The following SNX30 variants were observed in gnomAD, a reference collection of about 807,000 sequenced individuals.
SNX30 encodes sorting nexin family member 30.
A neutral mutation model predicts 46.4 loss-of-function variants in SNX30; 24 were observed. That is an observed-to-expected ratio of 0.52 (90% CI 0.37 to 0.73). The LOEUF is 0.73. Among genes scored for constraint, SNX30 ranks in the 30% least tolerant of loss-of-function variants. The probability of loss-of-function intolerance (pLI) is 0.00; values close to 1 mark genes in which losing one functional copy is unlikely to be tolerated. For synonymous variants in SNX30, 189 were observed against 211.5 expected, an observed-to-expected ratio of 0.89 and a Z score of 0.92; for missense variants, 533 against 555.7, an observed-to-expected ratio of 0.96 and a Z score of 0.41.
At chr9:112,878,193 AT>A (rs2131532849), downstream of SNX30, 1 of 152,390 alleles carries the variant, frequency 6.6e-6, no homozygotes, top group Non-Finnish European at 1.5e-5. Flanking sequence ...TCCAACAGCT[AT>A]CCCCATTTAC....
intron 5 of SNX30, chr9:112,880,567 C>A (rs984867913): frequency 3.9e-5 from 6 of 153,698 alleles, no homozygotes; most frequent in South Asian, 4.1e-4. Context: ...CATCCAGACC[C>A]CTTGGAAGCC....
chr9:112,817,652 GC>G, intron 2 of SNX30, 52 bp from the exon 3 acceptor site: 1 of 1,081,938 alleles, frequency 9.2e-7, no homozygotes, highest in South Asian at 1.3e-5. Flanking sequence ...CTTCCCTTCA[GC>G]CAAGATATGC....
At chr9:112,774,811 C>CTA (rs368881211) in intron 1 of SNX30, among the ~76,000 whole-genome samples, 7 of 142,344 alleles carry the variant, frequency 4.9e-5, no homozygotes, top group African/African-American at 1.0e-4. Context: ...TTACTCAGTT[C>CTA]TATATATATA....
chr9:112,874,759 GA>G lies in SNX30; in HGVS notation c.*5921del, dbSNP rs1234031445. On this transcript the variant is annotated 3_prime_UTR_variant, in exon 9 of 9. Transcript: ENST00000374232. Reference sequence around the variant, plus strand: ...TATGGAAACCAGAGATTGTAAAATGGAAAAAGAATCGTTTTTTTGTTGACTT... The same window carrying G: ...TATGGAAACCAGAGATTGTAAAATGGAAAAGAATCGTTTTTTTGTTGACTT... 2.0e-4 allele frequency: 15 copies of G among 75,950 alleles called. No individual in the cohort carries two copies. The East Asian group carries it at 4.7e-3, about 24-fold the overall frequency. The allele number at this position is 75,950 out of a possible 1,614,324, so 4.7% of individuals were successfully genotyped here.
At chr9:112,817,552 C>T (rs1399390954) in intron 2 of SNX30, among the ~76,000 whole-genome samples, 153 bp from the exon 3 acceptor site, 1 of 151,624 alleles carries the variant, frequency 6.6e-6, no homozygotes, top group East Asian at 1.9e-4. Context: ...CTGGTCTATT[C>T]TGTGTTGGTA....
In SNX30 at chr9:112,751,175, G is replaced by A; in HGVS notation, c.156+18G>A. The A allele has an allele frequency of 2.0e-6, 3 of 1,481,230 alleles. No individual in the cohort carries two copies. Among genetic ancestry groups the A allele is most frequent in the South Asian group, 1.3e-5 (1 of 76,448 alleles). The allele number at this position is 1,481,230 out of a possible 1,614,324, so 91.8% of individuals were successfully genotyped here. A position where few individuals can be genotyped will look rare whatever the true frequency, so the allele number is the denominator to read the frequency against. ...GTGACAAGGTGGGGCGCCTGGGGCCGGGGAGTGGGAGGCTTATTTCGCTCC... is the reference window on the plus strand; with the variant it reads ...GTGACAAGGTGGGGCGCCTGGGGCCAGGGAGTGGGAGGCTTATTTCGCTCC... On this transcript the variant is annotated intron_variant, in intron 1 of 8. Transcript: ENST00000374232.
Position 112,836,328 on chromosome 9 carries a change from A to G in SNX30, c.733A>G (p.Ile245Val), listed in dbSNP as rs1319617291. 8 of 1,613,426 alleles carry G rather than the reference A, an allele frequency of 5.0e-6. No homozygotes were observed. Among genetic ancestry groups the G allele is most frequent in the East Asian group, 2.2e-5 (1 of 44,862 alleles). ...LRTRPLEFAA[I>V]GDYLDTFALK... ...GACTCGGCCGCTTGAGTTTGCTGCCATAGGTGACTACTTAGATACATTTGC... is the reference window on the plus strand; with the variant it reads ...GACTCGGCCGCTTGAGTTTGCTGCCGTAGGTGACTACTTAGATACATTTGC... The change falls in exon 5 of 9, where the codon ATA becomes GTA. Residue 245 changes from isoleucine to valine, a missense_variant. Around this residue, in one of 3 missense-constraint regions of SNX30, gnomAD observed 261 missense variants for 270.9 expected, o/e 0.96. Transcript: ENST00000374232.
intron 1 of SNX30, among the ~76,000 whole-genome samples, chr9:112,770,429 C>A (rs557815953): frequency 2.6e-5 from 4 of 151,948 alleles, no homozygotes; most frequent in African/African-American, 7.2e-5. Flanking sequence ...CCTCGTCCCC[C>A]CAAAGTGCTG....
chr9:112,861,697 G>A (rs1451360967), intron 7 of SNX30, among the ~76,000 whole-genome samples: 3 of 152,228 alleles, frequency 2.0e-5, no homozygotes, highest in Non-Finnish European at 4.4e-5. Context: ...CCGTGCCGCT[G>A]TGGGCCCTGT....
chr9:112,878,358 G>A (rs1305582663), downstream of SNX30: 1 of 152,084 alleles, frequency 6.6e-6, no homozygotes, highest in East Asian at 1.9e-4. Flanking sequence ...TCACCTTCAG[G>A]CCTTCCAGCA....
chr9:112,816,234 G>A (rs572043305), intron 2 of SNX30, among the ~76,000 whole-genome samples: 2 of 152,200 alleles, frequency 1.3e-5, no homozygotes, highest in Non-Finnish European at 2.9e-5. Flanking sequence ...CTGCATAGGC[G>A]CAGAGTCCTT....
chr9:112,822,983 A>G (rs1840528256), intron 3 of SNX30, among the ~76,000 whole-genome samples: 1 of 73,328 alleles, frequency 1.4e-5, no homozygotes, highest in South Asian at 6.3e-4. Context: ...TTATTACAGA[A>G]TATTGTTATA....
chr9:112,781,589 C>A (rs1839847655), intron 1 of SNX30, among the ~76,000 whole-genome samples: 1 of 152,096 alleles, frequency 6.6e-6, no homozygotes, highest in Non-Finnish European at 1.5e-5. Context: ...TTTAGTATAA[C>A]CCATGGGTTA....
chr9:112,814,336 G>T (rs1219662596), intron 2 of SNX30, among the ~76,000 whole-genome samples: 1 of 152,142 alleles, frequency 6.6e-6, no homozygotes, highest in African/African-American at 2.4e-5. Context: ...TGCCTCCCAG[G>T]CTCAAGCGAT....
intron 2 of SNX30, among the ~76,000 whole-genome samples, chr9:112,806,082 C>T (rs1432416908): frequency 1.3e-5 from 2 of 152,132 alleles, no homozygotes; most frequent in African/African-American, 2.4e-5. Context: ...ACCTTTTGGA[C>T]TGAAGAGTTC....
At position 112,871,427 on chromosome 9, in the gene SNX30, A is replaced by G. The variant is rs1031007054; in HGVS notation, c.*2584A>G. 6 of 152,232 alleles carry G rather than the reference A, an allele frequency of 3.9e-5. 1 individual carries two copies. The East Asian group carries it at 7.7e-4, about 20-fold the overall frequency. The allele number at this position is 152,232 out of a possible 1,614,324, so 9.4% of individuals were successfully genotyped here. A position where few individuals can be genotyped will look rare whatever the true frequency, so the allele number is the denominator to read the frequency against. On this transcript the variant is annotated 3_prime_UTR_variant, in exon 9 of 9. Transcript: ENST00000374232. The stretch of plus-strand genomic sequence containing the variant: ...ATTTGCCTCTTCGTTTTGACCAAGC[A>G]CAAAAGAGATATTCCCTAGAAGTGT...
intron 6 of SNX30, among the ~76,000 whole-genome samples, chr9:112,840,114 C>T (rs946537731): frequency 5.9e-5 from 9 of 152,112 alleles, no homozygotes; most frequent in Admixed American, 4.6e-4. Flanking sequence ...TTCATGTGTG[C>T]GTTATAAAGT....
downstream of SNX30, among the ~76,000 whole-genome samples, chr9:112,883,797 A>C (rs1206345883): frequency 1.3e-5 from 2 of 151,312 alleles, no homozygotes; most frequent in African/African-American, 4.9e-5. Context: ...TCCTGGGTTC[A>C]AGCGATTCTC....
intron 1 of SNX30, among the ~76,000 whole-genome samples, chr9:112,768,720 G>C (rs1480262556): frequency 7.8e-6 from 1 of 128,714 alleles, no homozygotes; most frequent in Non-Finnish European, 1.6e-5. Context: ...GCAATGGTAC[G>C]ATCTTGGCTC....
Sources: allele counts gnomAD v4.1 joint callset (sites outside exome capture counted in the v4.1 genomes callset), GRCh38; gene constraint gnomAD v4.1.1; regional missense constraint gnomAD v4.1.1; transcripts MANE v1.5; gene names NCBI Gene and HGNC (gene_info 2026-07-23, HGNC 2026-07-21).